The following ATAD3C variants were observed in gnomAD, a reference collection of about 807,000 sequenced individuals.
The protein encoded by ATAD3C is ATPase family AAA domain containing 3C.
Under a neutral mutation model 46.3 loss-of-function variants are expected in ATAD3C, and 38 were observed. That is an observed-to-expected ratio of 0.82 (90% CI 0.63 to 1.08). ATAD3C has a LOEUF of 1.08. Among genes scored for constraint, ATAD3C ranks in the 50% least tolerant of loss-of-function variants. The pLI is 0.00. For missense variants in ATAD3C, 563 were observed against 572.7 expected, an observed-to-expected ratio of 0.98 and a Z score of 0.17; for synonymous variants, 220 against 236.4, an observed-to-expected ratio of 0.93 and a Z score of 0.63.
rs918055284 is a variant in ATAD3C at position 1,462,021 on chromosome 1, C to A, written c.981-579C>A. ...ACACTCCAGATGAGCAGAGGCTGCT[C>A]TACTTCTTGGCGTCCCCAGGGCCCC... On this transcript the variant is annotated intron_variant, in intron 10 of 11. Coordinates refer to ENST00000378785, the MANE Select transcript of ATAD3C (RefSeq NM_001039211.3). The surrounding 1 kb of genome is among the most constrained non-coding windows in gnomAD (Gnocchi z 4.5). Among the ~76,000 whole-genome samples the A allele has an allele frequency of 2.0e-5, 3 of 152,020 alleles. No homozygotes were observed. In the East Asian group the frequency reaches 5.8e-4, roughly 29 times the overall value.
chr1:1,454,582 A>C lies in ATAD3C; in HGVS notation c.378+82A>C, dbSNP rs531606278. 35,426 of 1,472,876 alleles carry C rather than the reference A, an allele frequency of 0.024. 5,205 individuals carry two copies. In the East Asian group the frequency reaches 0.39, roughly 16 times the overall value. 91.2% of individuals were successfully genotyped at this position (1,472,876 alleles called of 1,614,324 possible). On this transcript the variant is annotated intron_variant, in intron 4 of 11. Transcript: ENST00000378785. The stretch of plus-strand genomic sequence containing the variant: ...CCCCACGAGCACAGCCCACGCATAT[A>C]CTCCTGTCCCTTCCCTTTCCCCGGA...
At chr1:1,467,426 G>GT (rs1344806080) in intron 11 of ATAD3C, among the ~76,000 whole-genome samples, 1 of 152,044 alleles carries the variant, frequency 6.6e-6, no homozygotes, top group African/African-American at 2.4e-5. Flanking sequence ...ACCCACAGTG[G>GT]TGGTCCGGCT....
rs370314383 is a variant in ATAD3C, at chr1:1,452,414, C to A, written c.202C>A (p.Arg68=). Residue 68 remains arginine (R), a synonymous_variant, in exon 3 of 12, where the codon CGG becomes AGG. Transcript: ENST00000378785. The part of the protein sequence containing the change: ...GEGFRAFVTD[R]DKVTATVAGL... Reference sequence around the variant, plus strand: ...AGGATTCCGTGCCTTTGTGACAGACCGGGACAAAGTGACAGCCACGGTAAA... The same window carrying A: ...AGGATTCCGTGCCTTTGTGACAGACAGGGACAAAGTGACAGCCACGGTAAA... The A allele has an allele frequency of 1.2e-6, 2 of 1,613,618 alleles. No homozygotes were observed. Among genetic ancestry groups the A allele is most frequent in the Non-Finnish European group, 1.7e-6 (2 of 1,179,698 alleles).
intron 11 of ATAD3C, among the ~76,000 whole-genome samples, chr1:1,465,776 T>C (rs1183412211): frequency 5.3e-5 from 8 of 151,832 alleles, no homozygotes; most frequent in Non-Finnish European, 1.0e-4. Flanking sequence ...ACCTCTCCCT[T>C]TTCAGTTTGG....
intron 1 of ATAD3C, among the ~76,000 whole-genome samples, chr1:1,451,088 T>G (rs536455922): frequency 1.3e-5 from 2 of 151,586 alleles, no homozygotes; most frequent in African/African-American, 2.4e-5. Flanking sequence ...TCGCCCAGGC[T>G]GGAGTGCAGT....
intron 11 of ATAD3C, among the ~76,000 whole-genome samples, chr1:1,465,530 G>T (rs1371436325): frequency 6.7e-6 from 1 of 148,166 alleles, no homozygotes; most frequent in Non-Finnish European, 1.5e-5. Context: ...GGCGGAGCTT[G>T]CAGTGAGCCG....
intron 3 of ATAD3C, among the ~76,000 whole-genome samples, chr1:1,453,413 G>A (rs1638897442): frequency 6.6e-6 from 1 of 151,974 alleles, no homozygotes; most frequent in African/African-American, 2.4e-5. Context: ...TGTTGGCCAG[G>A]ATGGTCTCGA....
At chr1:1,465,847 G>A (rs1033971650) in intron 11 of ATAD3C, among the ~76,000 whole-genome samples, 2 of 151,998 alleles carry the variant, frequency 1.3e-5, no homozygotes, top group Non-Finnish European at 2.9e-5. Flanking sequence ...ATGTGGAATA[G>A]AAGCAGTAAA....
rs1430707385 is a variant in ATAD3C at position 1,449,833 on chromosome 1, A to G, written c.-851A>G. 6.6e-6 allele frequency: 1 copy of G among 151,990 alleles called. No individual in the cohort carries two copies. The highest frequency in any genetic ancestry group is 2.4e-5 in the African/African-American group (1 of 41,408). 9.4% of individuals were successfully genotyped at this position (151,990 alleles called of 1,614,324 possible). On this transcript the variant is annotated 5_prime_UTR_variant, in exon 1 of 12. Transcript: ENST00000378785. ...TGATGCTGAGTCCTCAGCAGCTCAG[A>G]GAATACGTACTTCTGTCCCAGGTCA...
At position 1,462,453 on chromosome 1, in the gene ATAD3C, G is replaced by A. The variant is rs1479063939; in HGVS notation, c.981-147G>A. The A allele has an allele frequency of 1.2e-5, 10 of 850,332 alleles. No homozygotes were observed. Among genetic ancestry groups the A allele is most frequent in the Non-Finnish European group, 1.9e-5 (10 of 537,112 alleles). 52.7% of individuals were successfully genotyped at this position (850,332 alleles called of 1,614,324 possible). ...CCCAGGCCTGGCTTGCGTCAGGAAG[G>A]GGGCGGAACTTGGCTGTCACAGGTA... On this transcript the variant is annotated intron_variant, in intron 10 of 11. Transcript: ENST00000378785. This position sits in a 1 kb window ranked among gnomAD's most constrained non-coding sequence, Gnocchi z 4.5.
chr1:1,458,712 C>A (rs1414124052), intron 8 of ATAD3C, among the ~76,000 whole-genome samples: 2 of 150,612 alleles, frequency 1.3e-5, no homozygotes, highest in Non-Finnish European at 3.0e-5. Context: ...CATGAGCCCC[C>A]ACGCCCAGTC....
In ATAD3C at chr1:1,450,658, C is replaced by T. The variant is rs1638838570; in HGVS notation, c.-26C>T. The T allele has an allele frequency of 3.1e-6, 5 of 1,604,280 alleles. No individual in the cohort carries two copies. The highest frequency in any genetic ancestry group is 2.7e-5 in the African/African-American group (2 of 74,714). On this transcript the variant is annotated 5_prime_UTR_variant, in exon 1 of 12. Transcript: ENST00000378785. Reference sequence around the variant, plus strand: ...GGCATCCGTGTATCCTAACACCTGCCCTCCGTGTCCCTGCATCTGCAGGCC... The same window carrying T: ...GGCATCCGTGTATCCTAACACCTGCTCTCCGTGTCCCTGCATCTGCAGGCC...
rs1639022968 is a variant in ATAD3C at position 1,459,567 on chromosome 1, G to T, written c.812+336G>T. Among the ~76,000 whole-genome samples the T allele has an allele frequency of 6.6e-6, 1 of 151,768 alleles. No homozygotes were observed. Among genetic ancestry groups the T allele is most frequent in the African/African-American group, 2.4e-5 (1 of 41,260 alleles). Reference sequence around the variant, plus strand: ...GTCTCATCGTGTGAGGCTCTGCTGGGTCTCCCTTGGAGGGTGTGTGTGCCC... The same window carrying T: ...GTCTCATCGTGTGAGGCTCTGCTGGTTCTCCCTTGGAGGGTGTGTGTGCCC... On this transcript the variant is annotated intron_variant, in intron 9 of 11. Coordinates refer to ENST00000378785, the MANE Select transcript of ATAD3C (RefSeq NM_001039211.3). The surrounding 1 kb of genome is among the most constrained non-coding windows in gnomAD (Gnocchi z 4.9).
At chr1:1,467,715 G>T (rs1476370054) in intron 11 of ATAD3C, among the ~76,000 whole-genome samples, 1 of 152,082 alleles carries the variant, frequency 6.6e-6, no homozygotes, top group Non-Finnish European at 1.5e-5. Context: ...CCCAGTGGGG[G>T]TCCCCACACC....
intron 2 of ATAD3C, 50 bp from the exon 3 acceptor site, chr1:1,452,315 T>A (rs1638874111): frequency 6.2e-7 from 1 of 1,612,724 alleles, no homozygotes; most frequent in Non-Finnish European, 8.5e-7. Context: ...TCTTGCTACG[T>A]GGCGTGGGTC....
intron 5 of ATAD3C, 45 bp from the exon 6 acceptor site, chr1:1,455,746 T>A: frequency 6.2e-7 from 1 of 1,609,906 alleles, no homozygotes; most frequent in Non-Finnish European, 8.5e-7. Flanking sequence ...CCGAGGCTTC[T>A]GTGGGTGCAG....
rs1239123684 is a variant in ATAD3C, at chr1:1,464,168, C to T, written c.1089+1460C>T. 6.7e-5 allele frequency among the ~76,000 whole-genome samples: 10 copies of T among 148,568 alleles called. 1 individual carries two copies. The highest frequency in any genetic ancestry group is 1.2e-4 in the Non-Finnish European group (8 of 67,308). On this transcript the variant is annotated intron_variant, in intron 11 of 11. Coordinates refer to ENST00000378785, the MANE Select transcript of ATAD3C (RefSeq NM_001039211.3). ...GTTGTGGTGAGCCGAGATCGTGCCA[C>T]TGTACTTCAGCCTGAGCAACAGAGT...
intron 4 of ATAD3C, 148 bp from the exon 5 acceptor site, chr1:1,455,311 TC>T (rs1403885488): frequency 2.9e-6 from 3 of 1,037,632 alleles, no homozygotes; most frequent in South Asian, 3.1e-5. Flanking sequence ...ACACCCAGTC[TC>T]CCGGCGGGGC....
chr1:1,452,098 A>T lies in ATAD3C; in HGVS notation c.128A>T (p.His43Leu). ...CAGGAGGAGTCCGTGCAGAAGCACC[A>T]TCAGACCTTCTTGGAGTCCATCAGG... ...RKQEESVQKH[H>L]QTFLESIRAA... The change falls in exon 2 of 12, where the codon CAT becomes CTT. Residue 43 changes from histidine to leucine, a missense_variant. By Grantham distance (99) the His-to-Leu change is moderately conservative. Transcript: ENST00000378785. 4 of 1,613,634 alleles carry T rather than the reference A, an allele frequency of 2.5e-6. No homozygotes were observed. The highest frequency in any genetic ancestry group is 3.4e-6 in the Non-Finnish European group (4 of 1,179,666).
Sources: allele counts gnomAD v4.1 joint callset (sites outside exome capture counted in the v4.1 genomes callset), GRCh38; gene constraint gnomAD v4.1.1; non-coding constraint Gnocchi (gnomAD v3.1); transcripts MANE v1.5; gene names NCBI Gene and HGNC (gene_info 2026-07-23, HGNC 2026-07-21).